The following DGKG variants were observed in gnomAD, a reference collection of about 807,000 sequenced individuals.
DGKG encodes the protein diacylglycerol kinase gamma.
A neutral mutation model predicts 105.3 loss-of-function variants in DGKG; 78 were observed. That is an observed-to-expected ratio of 0.74 (90% confidence interval 0.62 to 0.89). DGKG has a LOEUF of 0.89. DGKG is among the 40% of genes least tolerant of loss of function. The pLI is 0.00. For synonymous variants in DGKG, 346 were observed against 367.1 expected, an observed-to-expected ratio of 0.94 and a Z score of 0.66; for missense variants, 958 against 1,020.1, an observed-to-expected ratio of 0.94 and a Z score of 0.83.
intron 19 of DGKG, among the ~76,000 whole-genome samples, chr3:186,249,338 T>C (rs946024539): frequency 2.6e-5 from 4 of 152,120 alleles, no homozygotes; most frequent in Non-Finnish European, 5.9e-5. Context: ...GCTTTAGTAA[T>C]AGAAAAAGAG....
At position 186,320,713 on chromosome 3, in the gene DGKG, T is replaced by C. The variant is rs1725035574; in HGVS notation, c.-248-6A>G. 1.4e-5 allele frequency: 6 copies of C among 431,790 alleles called. No homozygotes were observed. Among genetic ancestry groups the C allele is most frequent in the Non-Finnish European group, 2.0e-5 (5 of 250,138 alleles). 26.7% of individuals were successfully genotyped at this position (431,790 alleles called of 1,614,324 possible). On this transcript the variant is annotated splice_polypyrimidine_tract_variant and splice_region_variant and intron_variant, in intron 1 of 24. Coordinates refer to ENST00000265022, the MANE Select transcript of DGKG (RefSeq NM_001346.3). Reference sequence around the variant, plus strand: ...TTCAGAAGTCCTGGCTCTTCCTAGATAGAAGCAGAAAAGACATTGTAAATG... The same window carrying C: ...TTCAGAAGTCCTGGCTCTTCCTAGACAGAAGCAGAAAAGACATTGTAAATG...
intron 20 of DGKG, among the ~76,000 whole-genome samples, chr3:186,214,530 G>GA (rs1331851392): frequency 3.9e-5 from 6 of 152,076 alleles, no homozygotes; most frequent in South Asian, 2.1e-4. Flanking sequence ...TTCTGGGCAA[G>GA]AAAAAATGTG....
chr3:186,237,138 CT>C (rs1222379815), intron 20 of DGKG, among the ~76,000 whole-genome samples: 3 of 152,178 alleles, frequency 2.0e-5, no homozygotes, highest in Non-Finnish European at 2.9e-5. Context: ...AGTCCCTCTC[CT>C]TCTCCCTAAG....
chr3:186,326,383 A>G (rs1725344483), intron 1 of DGKG, among the ~76,000 whole-genome samples: 1 of 151,752 alleles, frequency 6.6e-6, no homozygotes, highest in Non-Finnish European at 1.5e-5. Flanking sequence ...TGGGTGACAG[A>G]GTGAGACACT....
At chr3:186,193,608 G>C (rs1022355346) in intron 21 of DGKG, among the ~76,000 whole-genome samples, 1 of 152,264 alleles carries the variant, frequency 6.6e-6, no homozygotes, top group African/African-American at 2.4e-5. Context: ...ATCGTGCACT[G>C]ATTTCCTTCA....
intron 16 of DGKG, among the ~76,000 whole-genome samples, chr3:186,258,245 T>C (rs987804362): frequency 1.3e-5 from 2 of 152,214 alleles, no homozygotes; most frequent in East Asian, 1.9e-4. Context: ...TTGGCGTCAA[T>C]ACAAATAGCC....
intron 22 of DGKG, among the ~76,000 whole-genome samples, chr3:186,167,019 G>A (rs898507068): frequency 6.6e-6 from 1 of 152,074 alleles, no homozygotes; most frequent in South Asian, 2.1e-4. Context: ...CTTTAACTCC[G>A]AAGTTGTTAT....
rs6779553 is a variant in DGKG at position 186,258,900 on chromosome 3, T to A, written c.1425-961A>T. Among the ~76,000 whole-genome samples the A allele has an allele frequency of 3.8e-3, 585 of 152,034 alleles. 5 individuals are homozygous for A. The highest frequency in any genetic ancestry group is 0.013 in the African/African-American group (556 of 41,476). On this transcript the variant is annotated intron_variant, in intron 16 of 24. Transcript: ENST00000265022. ...ATGCTTCACCAGACTGCCAAGGGGGTTCCTGGCACAAAAAAGTTAAGAACC... is the reference window on the plus strand; with the variant it reads ...ATGCTTCACCAGACTGCCAAGGGGGATCCTGGCACAAAAAAGTTAAGAACC...
intron 2 of DGKG, among the ~76,000 whole-genome samples, chr3:186,317,325 T>C (rs1174989875): frequency 1.3e-5 from 2 of 152,208 alleles, no homozygotes; most frequent in East Asian, 3.9e-4. Flanking sequence ...TCTGAGTGCC[T>C]TCATTCATTT....
At chr3:186,297,530 T>C in intron 4 of DGKG, 47 bp from the exon 5 acceptor site, 2 of 1,347,518 alleles carry the variant, frequency 1.5e-6, no homozygotes, top group Admixed American at 1.7e-5. Flanking sequence ...GCCCTCTAGC[T>C]TCTTGGAAGG....
chr3:186,323,096 T>A (rs757265588), intron 1 of DGKG, among the ~76,000 whole-genome samples: 9 of 152,192 alleles, frequency 5.9e-5, no homozygotes, highest in Non-Finnish European at 1.2e-4. Flanking sequence ...GGTCTGCTCT[T>A]TAAATTGCCA....
chr3:186,290,665 A>G (rs1296938792), intron 5 of DGKG, among the ~76,000 whole-genome samples: 2 of 152,210 alleles, frequency 1.3e-5, no homozygotes, highest in African/African-American at 2.4e-5. Context: ...AGCCAGGCCA[A>G]CCCTGGAAGT....
chr3:186,267,706 G>T lies in DGKG; in HGVS notation c.1188C>A (p.Thr396=), dbSNP rs1472038429. ...TTACCCGGGTGATGGGGCATATGGA[G>T]GTGGGCAGTAAGATGTGGTCTCTGA... ...GELRDHILLP[T]SICPITRDRP... The change falls in exon 13 of 25, where the codon ACC becomes ACA. Residue 396 remains threonine, a synonymous_variant. Coordinates refer to ENST00000265022, the MANE Select transcript of DGKG (RefSeq NM_001346.3). 1.2e-6 allele frequency: 2 copies of T among 1,613,990 alleles called. No homozygotes were observed. Among genetic ancestry groups the T allele is most frequent in the Non-Finnish European group, 1.7e-6 (2 of 1,179,974 alleles).
At chr3:186,198,055 TCA>T (rs1330196945) in intron 21 of DGKG, among the ~76,000 whole-genome samples, 1 of 152,228 alleles carries the variant, frequency 6.6e-6, no homozygotes, top group African/African-American at 2.4e-5. Context: ...TCTGTGTTCT[TCA>T]CAGTTCCTGG....
intron 24 of DGKG, chr3:186,158,241 A>G (rs1295238502): frequency 2.8e-6 from 2 of 710,136 alleles, no homozygotes; most frequent in Non-Finnish European, 3.5e-6. Context: ...TGCTCTTCTA[A>G]TTTTAGTATT....
intron 13 of DGKG, 125 bp downstream of exon 13, chr3:186,267,560 A>G (rs961607635): frequency 1.1e-5 from 8 of 750,382 alleles, no homozygotes; most frequent in African/African-American, 3.5e-5. Context: ...AAAGAAAGAA[A>G]AGAAAACACA....
intron 20 of DGKG, among the ~76,000 whole-genome samples, chr3:186,212,314 T>C (rs955047411): frequency 6.6e-5 from 10 of 152,158 alleles, no homozygotes; most frequent in African/African-American, 2.4e-4. Flanking sequence ...CTTCTAAGAC[T>C]TGAGGGATGT....
chr3:186,191,015 G>A (rs923781343), intron 21 of DGKG, among the ~76,000 whole-genome samples: 4 of 152,078 alleles, frequency 2.6e-5, no homozygotes, highest in African/African-American at 9.7e-5. Context: ...GCACATAAGG[G>A]AAGATGCCTC....
chr3:186,273,367 C>CT (rs375667915), intron 10 of DGKG, among the ~76,000 whole-genome samples: 3,449 of 85,640 alleles, frequency 0.04, 664 homozygotes, highest in Non-Finnish European at 0.055. Flanking sequence ...TGTTGTACCC[C>CT]TTTTTTTTTT....
Sources: allele counts gnomAD v4.1 joint callset (sites outside exome capture counted in the v4.1 genomes callset), GRCh38; gene constraint gnomAD v4.1.1; transcripts MANE v1.5; gene names NCBI Gene and HGNC (gene_info 2026-07-23, HGNC 2026-07-21).